Variants in INPP1 observed in about 807,000 individuals in gnomAD.
The protein encoded by INPP1 is inositol polyphosphate-1-phosphatase.
A neutral mutation model predicts 23.0 loss-of-function variants in INPP1; 18 were observed. The ratio of observed to expected loss-of-function variants is 0.78; its 90% CI spans 0.54 to 1.16. The LOEUF (loss-of-function observed/expected upper bound fraction) is 1.16. INPP1 is among the 50% of genes most tolerant of loss of function. The pLI is 0.00. For synonymous variants in INPP1, 164 were observed against 176.3 expected (o/e 0.93, Z 0.55); for missense variants, 448 against 482.1 (o/e 0.93, Z 0.66).
chr2:190,369,126 G>A lies in INPP1; in HGVS notation c.490G>A (p.Gly164Ser), dbSNP rs1302612290. The A allele has an allele frequency of 2.5e-6, 4 of 1,597,144 alleles. No homozygotes were observed. The East Asian group carries it at 6.8e-5, about 27-fold the overall frequency. The change falls in exon 6 of 7, where the codon GGT (glycine) becomes AGT (serine). Residue 164 changes from glycine to serine, a missense_variant. Gly to Ser is a moderately conservative substitution (Grantham distance 56). Transcript: ENST00000392329. ...AGATTCAACTTATCAGTATATAAAA[G>A]GTTCTGCTGACATTAAATCCAACCA... ...PIDSTYQYIK[G>S]SADIKSNQGI...
At position 190,354,007 on chromosome 2, in the gene INPP1, C is replaced by T. The variant is rs1689371409; in HGVS notation, c.-65+4976C>T. On this transcript the variant is annotated intron_variant, in intron 2 of 6. Coordinates refer to ENST00000392329, the MANE Select transcript of INPP1 (RefSeq NM_001128928.2). This position sits in a 1 kb window ranked among gnomAD's most constrained non-coding sequence, Gnocchi z 4.8. ...CAAAAGAGACCCTAATTCTATCTGACATTGTGACACAATTTTATGTTAAAC... is the reference window on the plus strand; with the variant it reads ...CAAAAGAGACCCTAATTCTATCTGATATTGTGACACAATTTTATGTTAAAC... 6.6e-6 allele frequency among the ~76,000 whole-genome samples: 1 copy of T among 152,200 alleles called. No individual in the cohort carries two copies. Among genetic ancestry groups the T allele is most frequent in the Non-Finnish European group, 1.5e-5 (1 of 68,030 alleles).
At chr2:190,359,961 G>A (rs1170750609) in intron 2 of INPP1, 78 bp from the exon 3 acceptor site, 2 of 712,334 alleles carry the variant, frequency 2.8e-6, no homozygotes, top group East Asian at 5.5e-5. Flanking sequence ...ACTGCCAAAT[G>A]GGTTGTTAGT....
chr2:190,350,872 T>C (rs970506258), intron 2 of INPP1, among the ~76,000 whole-genome samples: 1 of 152,238 alleles, frequency 6.6e-6, no homozygotes, highest in Admixed American at 6.5e-5. Flanking sequence ...AAGGGGATAA[T>C]TTTAGATTCT....
chr2:190,360,198 G>T lies in INPP1; in HGVS notation c.96G>T (p.Leu32=). Residue 32 remains leucine (L), a synonymous_variant, in exon 3 of 7, where the codon CTG becomes CTT. Transcript: ENST00000392329. ...CRQQEALFQL[L]IEEKKEGEKN... is the part of the protein sequence containing the mutation. ...AGCAGGAAGCCCTCTTCCAGCTGCT[G>T]ATCGAAGAAAAGAAAGAGGGAGAAA... 6.2e-7 allele frequency: 1 copy of T among 1,614,184 alleles called. No individual in the cohort carries two copies. The highest frequency in any genetic ancestry group is 1.1e-5 in the South Asian group (1 of 91,066).
chr2:190,364,322 A>G (rs35277625), intron 4 of INPP1, among the ~76,000 whole-genome samples: 99,893 of 151,716 alleles, frequency 0.66, 33,746 homozygotes, highest in African/African-American at 0.78. Flanking sequence ...GGTGGATCAC[A>G]AGGTCAGGAA....
At position 190,345,091 on chromosome 2, in the gene INPP1, T is replaced by C. The variant is rs1198203721; in HGVS notation, c.-209+1130T>C. Among the ~76,000 whole-genome samples the C allele has an allele frequency of 2.0e-5, 3 of 152,258 alleles. No homozygotes were observed. The highest frequency in any genetic ancestry group is 7.2e-5 in the African/African-American group (3 of 41,472). ...GCAATGGAAGAATTCATTTTTTCAA[T>C]ACAGATATTTGTTTCCATTCTTATG... On this transcript the variant is annotated intron_variant, in intron 1 of 6. Coordinates refer to ENST00000392329, the MANE Select transcript of INPP1 (RefSeq NM_001128928.2). The surrounding 1 kb of genome is among the most constrained non-coding windows in gnomAD (Gnocchi z 4.9).
In INPP1 at chr2:190,343,922, A is replaced by G; in HGVS notation, c.-248A>G. The G allele has an allele frequency of 5.5e-6, 1 of 181,034 alleles. No homozygotes were observed. Among genetic ancestry groups the G allele is most frequent in the Non-Finnish European group, 1.3e-5 (1 of 79,310 alleles). The allele number at this position is 181,034 out of a possible 1,614,324, so 11.2% of individuals were successfully genotyped here. A position where few individuals can be genotyped will look rare whatever the true frequency, so the allele number is the denominator to read the frequency against. On this transcript the variant is annotated 5_prime_UTR_variant, in exon 1 of 7. Coordinates refer to ENST00000392329, the MANE Select transcript of INPP1 (RefSeq NM_001128928.2). ...CCCGCCGCTTCCGTTTCTCGAGGGAAAGGCTGCTGCCTCCTGCTCTGTCCT... is the reference window on the plus strand; with the variant it reads ...CCCGCCGCTTCCGTTTCTCGAGGGAGAGGCTGCTGCCTCCTGCTCTGTCCT...
intron 1 of INPP1, among the ~76,000 whole-genome samples, chr2:190,348,422 C>T (rs73046141): frequency 0.013 from 1,996 of 152,072 alleles, 48 homozygotes; most frequent in African/African-American, 0.045. Context: ...CCATTTTAAC[C>T]GTTTTCAAAT....
intron 2 of INPP1, among the ~76,000 whole-genome samples, chr2:190,357,449 T>A (rs1321968212): frequency 6.6e-6 from 1 of 152,228 alleles, no homozygotes; most frequent in Non-Finnish European, 1.5e-5. Context: ...TCTGTGTATG[T>A]GTATAAACAC....
chr2:190,351,169 G>A (rs921012789), intron 2 of INPP1, among the ~76,000 whole-genome samples: 1 of 152,210 alleles, frequency 6.6e-6, no homozygotes, highest in Non-Finnish European at 1.5e-5. Context: ...GCATAAACAA[G>A]TAAACCAATG....
At chr2:190,369,983 C>T (rs1689768375) in intron 6 of INPP1, among the ~76,000 whole-genome samples, 1 of 152,208 alleles carries the variant, frequency 6.6e-6, no homozygotes, top group African/African-American at 2.4e-5. Context: ...CAATCATTTG[C>T]TCTTTAATAG....
At position 190,359,925 on chromosome 2, in the gene INPP1, A is replaced by G. The variant is rs1204513097; in HGVS notation, c.-64-114A>G. 9 of 594,970 alleles carry G rather than the reference A, an allele frequency of 1.5e-5. 1 individual carries two copies. The highest frequency in any genetic ancestry group is 2.7e-5 in the Non-Finnish European group (9 of 332,080). 36.9% of individuals were successfully genotyped at this position (594,970 alleles called of 1,614,324 possible). ...TGAGGATGTGAATATGATATAGACT[A>G]GCTGTTCACCAGGCTGACCAGGTTG... On this transcript the variant is annotated intron_variant, in intron 2 of 6. Transcript: ENST00000392329.
rs754381672 is a variant in INPP1, at chr2:190,370,898, A to G, written c.696A>G (p.Ser232=). ...GLSYMGTNMH[S]LQLTISRRNG... ...CTTACATGGGGACCAACATGCATTCACTACAGCTCACCATCTCTAGAAGAA... is the reference window on the plus strand; with the variant it reads ...CTTACATGGGGACCAACATGCATTCGCTACAGCTCACCATCTCTAGAAGAA... Residue 232 remains serine (S), a synonymous_variant, in exon 7 of 7, where the codon TCA becomes TCG. Coordinates refer to ENST00000392329, the MANE Select transcript of INPP1 (RefSeq NM_001128928.2). 1.2e-6 allele frequency: 2 copies of G among 1,614,224 alleles called. No homozygotes were observed. The highest frequency in any genetic ancestry group is 1.7e-6 in the Non-Finnish European group (2 of 1,180,038).
intron 1 of INPP1, among the ~76,000 whole-genome samples, chr2:190,344,761 ATT>A (rs1466628858): frequency 1.3e-5 from 2 of 152,228 alleles, no homozygotes; most frequent in East Asian, 3.8e-4. Context: ...TTTTAAAGGT[ATT>A]TTTAAAGTGT....
At chr2:190,360,363 A>G in intron 3 of INPP1, 57 bp downstream of exon 3, 4 of 1,484,046 alleles carry the variant, frequency 2.7e-6, no homozygotes, top group South Asian at 1.2e-5. Flanking sequence ...GGCTTTCTCC[A>G]TCATAGAATA....
chr2:190,365,106 T>C (rs1347274748), intron 4 of INPP1: 1 of 169,242 alleles, frequency 5.9e-6, no homozygotes, highest in African/African-American at 2.4e-5. Context: ...TGCCTATTTT[T>C]TACCAGCCTC....
At chr2:190,357,511 T>C (rs987068274) in intron 2 of INPP1, among the ~76,000 whole-genome samples, 3 of 152,228 alleles carry the variant, frequency 2.0e-5, no homozygotes, top group Admixed American at 1.3e-4. Flanking sequence ...GTTTTTCCAC[T>C]TAACATTAGT....
At chr2:190,357,323 T>G (rs1689438086) in intron 2 of INPP1, among the ~76,000 whole-genome samples, 1 of 152,254 alleles carries the variant, frequency 6.6e-6, no homozygotes, top group Admixed American at 6.5e-5. Flanking sequence ...GTATATTTCC[T>G]GTAGAGTATT....
rs1415356158 is a variant in INPP1, at chr2:190,344,216, C to A, written c.-209+255C>A. 3 of 155,468 alleles carry A rather than the reference C, an allele frequency of 1.9e-5. No individual in the cohort carries two copies. In the East Asian group the frequency reaches 5.8e-4, roughly 30 times the overall value. 9.6% of individuals were successfully genotyped at this position (155,468 alleles called of 1,614,324 possible). On this transcript the variant is annotated intron_variant, in intron 1 of 6. Coordinates refer to ENST00000392329, the MANE Select transcript of INPP1 (RefSeq NM_001128928.2). Reference sequence around the variant, plus strand: ...CCGCTGCAGCCAGCGCGGAGGGGAGCTCGTGAGTCCCGCGGCGCCCTTGGC... The same window carrying A: ...CCGCTGCAGCCAGCGCGGAGGGGAGATCGTGAGTCCCGCGGCGCCCTTGGC...
Sources: allele counts gnomAD v4.1 joint callset (sites outside exome capture counted in the v4.1 genomes callset), GRCh38; gene constraint gnomAD v4.1.1; non-coding constraint Gnocchi (gnomAD v3.1); transcripts MANE v1.5; gene names NCBI Gene and HGNC (gene_info 2026-07-23, HGNC 2026-07-21).